MAGI2: variants seen among roughly 807,000 people sequenced by gnomAD.
MAGI2 encodes membrane-associated guanylate kinase, WW and PDZ domain-containing protein 2.
Under a neutral mutation model 133.3 loss-of-function variants are expected in MAGI2, and 35 were observed. That is an observed-to-expected ratio of 0.26 (90% CI 0.20 to 0.35). MAGI2 has a LOEUF of 0.35. Among genes scored for constraint, MAGI2 ranks in the 10% least tolerant of loss-of-function variants. The pLI is 1.00. For synonymous variants in MAGI2, 729 were observed against 710.6 expected (o/e 1.03, Z -0.41); for missense variants, 1,636 against 1,863.4 (o/e 0.88, Z 2.25).
At chr7:78,848,976 T>C (rs1327026669) in intron 2 of MAGI2, among the ~76,000 whole-genome samples, 2 of 152,096 alleles carry the variant, frequency 1.3e-5, no homozygotes, top group Non-Finnish European at 2.9e-5. Context: ...TAGAAGCTCA[T>C]TAAATATTTA....
chr7:79,156,624 C>G lies in MAGI2; in HGVS notation c.302-149418G>C, dbSNP rs111792846. ...GAAGCTCCTGCTTCAAATTGCCCCA[C>G]CTTTCTGGACCAAATATGTATCTCT... is the stretch of plus-strand genomic sequence containing the variant. On this transcript the variant is annotated intron_variant, in intron 1 of 21. Transcript: ENST00000354212. 3.8e-3 allele frequency among the ~76,000 whole-genome samples: 577 copies of G among 152,164 alleles called. 1 individual carries two copies. The highest frequency in any genetic ancestry group is 0.013 in the African/African-American group (559 of 41,506).
chr7:78,516,720 C>T (rs1796075195), intron 4 of MAGI2, among the ~76,000 whole-genome samples: 1 of 152,070 alleles, frequency 6.6e-6, no homozygotes, highest in Non-Finnish European at 1.5e-5. Flanking sequence ...CAGGAAGGAT[C>T]CTGGAGGCAT....
At chr7:79,427,151 A>G (rs529797976) in intron 1 of MAGI2, among the ~76,000 whole-genome samples, 249 of 152,306 alleles carry the variant, frequency 1.6e-3, no homozygotes, top group African/African-American at 5.7e-3. Context: ...TCTTCATTCA[A>G]TAAATATTTA....
chr7:78,826,339 T>TGAGA (rs940350948), intron 2 of MAGI2, among the ~76,000 whole-genome samples: 6 of 126,420 alleles, frequency 4.7e-5, no homozygotes, highest in African/African-American at 1.9e-4. Context: ...GGCGACAGAG[T>TGAGA]GAGACTCCGT....
intron 1 of MAGI2, among the ~76,000 whole-genome samples, chr7:79,188,409 G>A (rs940519459): frequency 6.6e-6 from 1 of 151,778 alleles, no homozygotes; most frequent in African/African-American, 2.4e-5. Flanking sequence ...AGTTTGCTGA[G>A]GATAATGGTT....
chr7:78,791,329 T>G (rs879927913), intron 2 of MAGI2, among the ~76,000 whole-genome samples: 1 of 152,302 alleles, frequency 6.6e-6, no homozygotes, highest in South Asian at 2.1e-4. Flanking sequence ...AGGTATAATT[T>G]TTTTCCCTTA....
At chr7:78,118,245 C>A (rs1249558883) in intron 20 of MAGI2, among the ~76,000 whole-genome samples, 1 of 152,100 alleles carries the variant, frequency 6.6e-6, no homozygotes, top group African/African-American at 2.4e-5. Context: ...AACTATGAAA[C>A]TCCTATAAGA....
At chr7:78,416,575 C>T (rs1798323372) in intron 6 of MAGI2, among the ~76,000 whole-genome samples, 1 of 151,816 alleles carries the variant, frequency 6.6e-6, no homozygotes, top group Admixed American at 6.6e-5. Flanking sequence ...TTTTTGCCTC[C>T]TAAATAATTT....
chr7:79,268,087 AGATAAGAGAACTTCAGAGACAGAG>A (rs1834615757), intron 1 of MAGI2, among the ~76,000 whole-genome samples: 1 of 152,156 alleles, frequency 6.6e-6, no homozygotes, highest in South Asian at 2.1e-4. Context: ...GAGAAGCTTC[AGATAAGAGAACTTCAGAGACAGAG>A]GAGTTCTATC....
At chr7:79,139,515 G>A (rs533903612) in intron 1 of MAGI2, among the ~76,000 whole-genome samples, 2 of 152,084 alleles carry the variant, frequency 1.3e-5, no homozygotes, top group African/African-American at 2.4e-5. Context: ...TCTGATACAC[G>A]GCTTCCCTCA....
intron 1 of MAGI2, among the ~76,000 whole-genome samples, chr7:79,141,443 G>A (rs148730203): frequency 6.6e-6 from 1 of 152,044 alleles, no homozygotes; most frequent in Admixed American, 6.5e-5. Flanking sequence ...ATGTATTAAT[G>A]TAACATCTAC....
At chr7:78,800,378 C>T (rs1219235725) in intron 2 of MAGI2, among the ~76,000 whole-genome samples, 2 of 152,028 alleles carry the variant, frequency 1.3e-5, no homozygotes, top group Non-Finnish European at 2.9e-5. Flanking sequence ...TATTGTGGCT[C>T]CCTTCTCCTC....
At position 78,332,697 on chromosome 7, in the gene MAGI2, C is replaced by CA. The variant is rs35777998; in HGVS notation, c.1408+11080dup. On this transcript the variant is annotated intron_variant, in intron 9 of 21. Coordinates refer to ENST00000354212, the MANE Select transcript of MAGI2 (RefSeq NM_012301.4). ...TGGGTGACAGAGCGAGACTCCGTCT[C>CA]AAAAAAAAAAAAAAAAAAAAAGGAG... Among the ~76,000 whole-genome samples, 68 of 117,286 alleles carry CA rather than the reference C, an allele frequency of 5.8e-4. 1 individual carries two copies. The highest frequency in any genetic ancestry group is 4.1e-3 in the Middle Eastern group (1 of 242). The allele number at this position is 117,286 out of a possible 152,430, so 76.9% of individuals were successfully genotyped here. A position where few individuals can be genotyped will look rare whatever the true frequency, so the allele number is the denominator to read the frequency against.
intron 2 of MAGI2, among the ~76,000 whole-genome samples, chr7:78,790,288 C>T (rs1363832368): frequency 2.6e-5 from 4 of 152,012 alleles, no homozygotes; most frequent in Non-Finnish European, 5.9e-5. Context: ...GATATGATGC[C>T]TTGCTCTTTT....
At chr7:78,537,170 T>TAC (rs3086437) in intron 3 of MAGI2, among the ~76,000 whole-genome samples, 27,159 of 146,052 alleles carry the variant, frequency 0.19, 2,545 homozygotes, top group Middle Eastern at 0.25. Context: ...AGTATTCCAC[T>TAC]ACACACACAC....
chr7:79,184,218 T>C (rs1178494693), intron 1 of MAGI2, among the ~76,000 whole-genome samples: 2 of 151,684 alleles, frequency 1.3e-5, no homozygotes, highest in African/African-American at 4.8e-5. Flanking sequence ...TTCTATAATG[T>C]ACACATATAT....
chr7:79,443,271 TGTGTGTGTGTGTGC>T (rs1272174277), intron 1 of MAGI2, among the ~76,000 whole-genome samples: 1 of 110,454 alleles, frequency 9.1e-6, no homozygotes, highest in Admixed American at 1.0e-4. Flanking sequence ...GAAGTGTGTG[TGTGTGTGTGTGTGC>T]GTGTGTGTGT....
At chr7:78,039,081 C>T (rs1810533550) in intron 21 of MAGI2, among the ~76,000 whole-genome samples, 1 of 152,072 alleles carries the variant, frequency 6.6e-6, no homozygotes, top group Admixed American at 6.5e-5. Context: ...TAAAGAACAT[C>T]TTAGAGCCTG....
chr7:79,165,365 CTT>C (rs1295903875), intron 1 of MAGI2, among the ~76,000 whole-genome samples: 1 of 151,914 alleles, frequency 6.6e-6, no homozygotes, highest in African/African-American at 2.4e-5. Context: ...CCTAGACACT[CTT>C]TAAGCATCCA....
Sources: allele counts gnomAD v4.1 joint callset (sites outside exome capture counted in the v4.1 genomes callset), GRCh38; gene constraint gnomAD v4.1.1; transcripts MANE v1.5; gene names NCBI Gene and HGNC (gene_info 2026-07-23, HGNC 2026-07-21).